The following PLEKHF2 variants were observed in gnomAD, a reference collection of about 807,000 sequenced individuals.
PLEKHF2 encodes the protein pleckstrin homology domain-containing family F member 2.
Under a neutral mutation model 14.7 loss-of-function variants are expected in PLEKHF2, and 4 were observed. That is an observed-to-expected ratio of 0.27 (90% confidence interval 0.13 to 0.62). PLEKHF2 has a LOEUF of 0.62. PLEKHF2 is among the 20% of genes least tolerant of loss of function. The pLI is 0.85. For missense variants in PLEKHF2, 201 were observed against 307.7 expected, an observed-to-expected ratio of 0.65 and a Z score of 2.60; for synonymous variants, 90 against 103.5, an observed-to-expected ratio of 0.87 and a Z score of 0.79.
chr8:95,134,058 C>T (rs1338327890), intron 1 of PLEKHF2, 28 bp downstream of exon 1: 4 of 151,178 alleles, frequency 2.6e-5, no homozygotes, highest in Non-Finnish European at 5.9e-5. Flanking sequence ...GGGTGGTCCG[C>T]CGGCTCCTGA....
intron 1 of PLEKHF2, among the ~76,000 whole-genome samples, chr8:95,144,564 G>T (rs900563315): frequency 1.6e-4 from 25 of 152,054 alleles, no homozygotes; most frequent in African/African-American, 5.6e-4. Context: ...ATAATGGAAA[G>T]AATATGCATT....
rs1810613939 is a variant in PLEKHF2 at position 95,155,926 on chromosome 8, C to A, written c.*1132C>A. 6.0e-6 allele frequency: 1 copy of A among 166,956 alleles called. No homozygotes were observed. The highest frequency in any genetic ancestry group is 1.5e-5 in the Non-Finnish European group (1 of 68,068). 10.3% of individuals were successfully genotyped at this position (166,956 alleles called of 1,614,324 possible). ...TATTTTATAAAGTTTTGTAAAATCC[C>A]AAACAATATTTCTATTTTTGTAAAA... On this transcript the variant is annotated 3_prime_UTR_variant, in exon 2 of 2. Transcript: ENST00000315367.
In PLEKHF2 at chr8:95,154,756, A is replaced by T; in HGVS notation, c.712A>T (p.Met238Leu). 3.7e-6 allele frequency: 6 copies of T among 1,614,074 alleles called. No individual in the cohort carries two copies. Among genetic ancestry groups the T allele is most frequent in the Non-Finnish European group, 5.1e-6 (6 of 1,179,958 alleles). The change falls in exon 2 of 2, where the codon ATG becomes TTG. Residue 238 changes from methionine to leucine, a missense_variant. Met to Leu is a conservative substitution (Grantham distance 15, BLOSUM62 2). Coordinates refer to ENST00000315367, the MANE Select transcript of PLEKHF2 (RefSeq NM_024613.4). This position sits in a 1 kb window ranked among gnomAD's most constrained non-coding sequence, Gnocchi z 5.6. The stretch of plus-strand genomic sequence containing the variant: ...GTCATTGAAGTCTCCTTTAAATGAT[A>T]TGTCTGATGATGATGACGATGATGA... Reference protein sequence around the residue: ...SQSLKSPLNDMSDDDDDDDSS... With the variant: ...SQSLKSPLNDLSDDDDDDDSS...
chr8:95,138,578 T>C (rs953835806), intron 1 of PLEKHF2, among the ~76,000 whole-genome samples: 2 of 152,188 alleles, frequency 1.3e-5, no homozygotes, highest in African/African-American at 4.8e-5. Context: ...AGAGAATGTG[T>C]TCATTATAAG....
At chr8:95,153,987 T>G in intron 1 of PLEKHF2, 44 bp from the exon 2 acceptor site, 28 of 1,345,354 alleles carry the variant, frequency 2.1e-5, no homozygotes, top group Non-Finnish European at 2.8e-5. Context: ...CTTATAGGAA[T>G]TTATAATTTA....
chr8:95,142,479 T>G (rs1324301267), intron 1 of PLEKHF2, among the ~76,000 whole-genome samples: 1 of 152,184 alleles, frequency 6.6e-6, no homozygotes, highest in African/African-American at 2.4e-5. Context: ...GGTCTTGAAC[T>G]CCTGGTCTCA....
chr8:95,141,260 T>G (rs1810435170), intron 1 of PLEKHF2, among the ~76,000 whole-genome samples: 1 of 152,356 alleles, frequency 6.6e-6, no homozygotes, highest in South Asian at 2.1e-4. Context: ...ATCCTTTATT[T>G]TCCTATTGTA....
Position 95,147,906 on chromosome 8 carries a change from C to CGTCT in PLEKHF2, c.-14-6125_-14-6124insGTCT, listed in dbSNP as rs375600822. 4.7e-4 allele frequency among the ~76,000 whole-genome samples: 71 copies of CGTCT among 151,934 alleles called. 1 individual carries two copies. Among genetic ancestry groups the CGTCT allele is most frequent in the African/African-American group, 1.6e-3 (68 of 41,512 alleles). ...AGGAAGACATTTCAGAACTATTAGACAAGTCAGAAGATAAATGCAAAGAAA... is the reference window on the plus strand; with the variant it reads ...AGGAAGACATTTCAGAACTATTAGACGTCTAAGTCAGAAGATAAATGCAAAGAAA... On this transcript the variant is annotated intron_variant, in intron 1 of 1. Coordinates refer to ENST00000315367, the MANE Select transcript of PLEKHF2 (RefSeq NM_024613.4).
At chr8:95,136,846 T>C (rs1242743811) in intron 1 of PLEKHF2, among the ~76,000 whole-genome samples, 3 of 152,246 alleles carry the variant, frequency 2.0e-5, no homozygotes, top group Non-Finnish European at 1.5e-5. Flanking sequence ...GGATACACTT[T>C]CACAGTGCTG....
chr8:95,148,208 A>T (rs1055072488), intron 1 of PLEKHF2, among the ~76,000 whole-genome samples: 1 of 152,042 alleles, frequency 6.6e-6, no homozygotes, highest in Non-Finnish European at 1.5e-5. Context: ...AGTTTTTTTT[A>T]AAACTACCCC....
intron 1 of PLEKHF2, among the ~76,000 whole-genome samples, chr8:95,142,777 C>T (rs531639893): frequency 6.6e-6 from 1 of 152,242 alleles, no homozygotes; most frequent in Non-Finnish European, 1.5e-5. Flanking sequence ...TTTTAAAAAA[C>T]AGGATCTGCC....
chr8:95,153,948 A>T, intron 1 of PLEKHF2, 83 bp from the exon 2 acceptor site: 1 of 1,114,772 alleles, frequency 9.0e-7, no homozygotes, highest in African/African-American at 1.6e-5. Context: ...AAAAGCAATG[A>T]TTTGTTAGCT....
intron 1 of PLEKHF2, among the ~76,000 whole-genome samples, chr8:95,145,872 G>T (rs10092259): frequency 0.08 from 12,178 of 152,166 alleles, 665 homozygotes; most frequent in African/African-American, 0.14. Flanking sequence ...CAGAATATTT[G>T]TTCATTTGAC....
In PLEKHF2 at chr8:95,156,146, A is replaced by G. The variant is rs891090075; in HGVS notation, c.*1352A>G. The G allele has an allele frequency of 6.0e-6, 1 of 167,042 alleles. No individual in the cohort carries two copies. The highest frequency in any genetic ancestry group is 2.4e-5 in the African/African-American group (1 of 41,448). The allele number at this position is 167,042 out of a possible 1,614,324, so 10.3% of individuals were successfully genotyped here. Reference sequence around the variant, plus strand: ...TATAAAACTTGATGCGTTTTGCACTACTCTTTCCATTTATATGCTGCAAAC... The same window carrying G: ...TATAAAACTTGATGCGTTTTGCACTGCTCTTTCCATTTATATGCTGCAAAC... On this transcript the variant is annotated 3_prime_UTR_variant, in exon 2 of 2. Transcript: ENST00000315367.
chr8:95,143,389 G>A (rs770313541), intron 1 of PLEKHF2, among the ~76,000 whole-genome samples: 3 of 152,198 alleles, frequency 2.0e-5, no homozygotes, highest in African/African-American at 7.2e-5. Flanking sequence ...GTGGGACACC[G>A]CGCCCGGCCT....
At chr8:95,142,032 C>T (rs1810445539) in intron 1 of PLEKHF2, among the ~76,000 whole-genome samples, 1 of 152,066 alleles carries the variant, frequency 6.6e-6, no homozygotes, top group African/African-American at 2.4e-5. Flanking sequence ...TAGTATAGTA[C>T]TTATCTCCTT....
Position 95,154,127 on chromosome 8 carries a change from C to A in PLEKHF2, c.83C>A (p.Pro28His). Residue 28 changes from proline (P) to histidine (H), a missense_variant, in exon 2 of 2, where the codon CCT (proline) becomes CAT (histidine). By Grantham distance (77) the Pro-to-His change is moderately conservative (BLOSUM62 -2). Coordinates refer to ENST00000315367, the MANE Select transcript of PLEKHF2 (RefSeq NM_024613.4). The surrounding 1 kb of genome is among the most constrained non-coding windows in gnomAD (Gnocchi z 5.6). ...AACTGTTTTGGAGCAGCTGGTCAAC[C>A]TTTAACTATACCTGGACGAGTTCTT... ...VENCFGAAGQ[P>H]LTIPGRVLIG... is the part of the protein sequence containing the mutation. 9 of 1,613,780 alleles carry A rather than the reference C, an allele frequency of 5.6e-6. No homozygotes were observed. Among genetic ancestry groups the A allele is most frequent in the Non-Finnish European group, 7.6e-6 (9 of 1,179,890 alleles).
chr8:95,154,534 G>C lies in PLEKHF2; in HGVS notation c.490G>C (p.Ala164Pro). 6.2e-7 allele frequency: 1 copy of C among 1,614,176 alleles called. No individual in the cohort carries two copies. The highest frequency in any genetic ancestry group is 8.5e-7 in the Non-Finnish European group (1 of 1,180,002). The stretch of plus-strand genomic sequence containing the variant: ...AACTGTATGTATGCGTTGTCAGAAA[G>C]CAAAATTCACACCTGTTAATCGTCG... ...EATVCMRCQKAKFTPVNRRHH... is the reference protein window; with the variant it reads ...EATVCMRCQKPKFTPVNRRHH... Residue 164 changes from alanine to proline, a missense_variant, in exon 2 of 2, where the codon GCA (alanine) becomes CCA (proline). Transcript: ENST00000315367. This position sits in a 1 kb window ranked among gnomAD's most constrained non-coding sequence, Gnocchi z 5.6.
Position 95,154,676 on chromosome 8 carries a change from T to A in PLEKHF2, c.632T>A (p.Leu211His). The A allele has an allele frequency of 6.2e-7, 1 of 1,614,188 alleles. No individual in the cohort carries two copies. The highest frequency in any genetic ancestry group is 8.5e-7 in the Non-Finnish European group (1 of 1,180,014). ...VRICDFCYDL[L>H]SAGDMATCQP... Reference sequence around the variant, plus strand: ...ATTTGTGACTTCTGCTATGACCTGCTTTCTGCTGGGGACATGGCCACATGC... The same window carrying A: ...ATTTGTGACTTCTGCTATGACCTGCATTCTGCTGGGGACATGGCCACATGC... Residue 211 changes from leucine (L) to histidine (H), a missense_variant, in exon 2 of 2, where the codon CTT (leucine) becomes CAT (histidine). Transcript: ENST00000315367. The surrounding 1 kb of genome is among the most constrained non-coding windows in gnomAD (Gnocchi z 5.6).
Sources: allele counts gnomAD v4.1 joint callset (sites outside exome capture counted in the v4.1 genomes callset), GRCh38; gene constraint gnomAD v4.1.1; non-coding constraint Gnocchi (gnomAD v3.1); transcripts MANE v1.5; gene names NCBI Gene and HGNC (gene_info 2026-07-23, HGNC 2026-07-21).